The following SRD5A1 variants were observed in gnomAD, a reference collection of about 807,000 sequenced individuals.
SRD5A1 encodes the protein 3-oxo-5-alpha-steroid 4-dehydrogenase 1.
Under a neutral mutation model 28.2 loss-of-function variants are expected in SRD5A1, and 22 were observed. The observed-to-expected ratio is 0.78, with a 90% CI of 0.56 to 1.12. The LOEUF (loss-of-function observed/expected upper bound fraction) is 1.12. Ranked by LOEUF, SRD5A1 falls within the 50% of genes most tolerant of loss-of-function variation. SRD5A1 has a pLI of 0.00. For missense variants in SRD5A1, 300 were observed against 346.7 expected (o/e 0.87, Z 1.07); for synonymous variants, 151 against 135.0 (o/e 1.12, Z -0.82).
chr5:6,638,333 T>A (rs967409327), intron 1 of SRD5A1, among the ~76,000 whole-genome samples: 17 of 152,240 alleles, frequency 1.1e-4, no homozygotes, highest in African/African-American at 4.1e-4. Context: ...TCATAGCGTT[T>A]TTTGGAGCAG....
At chr5:6,644,817 G>C (rs1738461083) in intron 1 of SRD5A1, 1 of 450,870 alleles carries the variant, frequency 2.2e-6, no homozygotes, top group Non-Finnish European at 4.5e-6. Context: ...GGAAATGTTG[G>C]TATGCAAGCA....
chr5:6,645,910 A>G (rs1738494558), intron 1 of SRD5A1, among the ~76,000 whole-genome samples: 1 of 152,096 alleles, frequency 6.6e-6, no homozygotes, highest in South Asian at 2.1e-4. Context: ...TTTGTTACAT[A>G]GGTATACACA....
chr5:6,648,743 G>A (rs1333234438), intron 1 of SRD5A1, among the ~76,000 whole-genome samples: 2 of 152,054 alleles, frequency 1.3e-5, no homozygotes, highest in Non-Finnish European at 2.9e-5. Context: ...GTTATTACCC[G>A]CCTTCTGAAG....
chr5:6,663,764 G>T (rs1315583078), intron 4 of SRD5A1, among the ~76,000 whole-genome samples: 1 of 152,042 alleles, frequency 6.6e-6, no homozygotes, highest in Non-Finnish European at 1.5e-5. Context: ...GGAGGCTGAG[G>T]TACGAGAATC....
chr5:6,650,749 G>A (rs1024527299), intron 1 of SRD5A1, among the ~76,000 whole-genome samples: 19 of 148,520 alleles, frequency 1.3e-4, no homozygotes, highest in East Asian at 2.0e-4. Context: ...CCACTAACTC[G>A]TCATCTAGCA....
chr5:6,651,845 C>G lies in SRD5A1; in HGVS notation c.297C>G (p.Cys99Trp), dbSNP rs1738680008. 4.4e-6 allele frequency: 7 copies of G among 1,606,590 alleles called. No individual in the cohort carries two copies. Among genetic ancestry groups the G allele is most frequent in the Non-Finnish European group, 6.0e-6 (7 of 1,175,554 alleles). Reference protein sequence around the residue: ...AMFLVHYGHRCLIYPFLMRGG... With the variant: ...AMFLVHYGHRWLIYPFLMRGG... ...TGCCTGTTTCTTGTTTCCTAAGGTG[C>G]TTAATTTACCCATTTCTGATGCGAG... Residue 99 changes from cysteine to tryptophan, a missense_variant, in exon 2 of 5, where the codon TGC becomes TGG. Physicochemically the swap from Cys to Trp is radical, Grantham distance 215. This residue lies in a region of SRD5A1 where 174 missense variants were observed against 160.9 expected (regional missense o/e 1.08). Coordinates refer to ENST00000274192, the MANE Select transcript of SRD5A1 (RefSeq NM_001047.4).
In SRD5A1 at chr5:6,633,478, C is replaced by T. The variant is rs1738040162; in HGVS notation, c.-99C>T. 4 of 1,306,684 alleles carry T rather than the reference C, an allele frequency of 3.1e-6. No individual in the cohort carries two copies. Among genetic ancestry groups the T allele is most frequent in the Non-Finnish European group, 3.0e-6 (3 of 1,007,558 alleles). 80.9% of individuals were successfully genotyped at this position (1,306,684 alleles called of 1,614,324 possible). ...TCCCGGCAGTGCGGGACTCCGGTAG[C>T]CGCCCCTCCGGTAGCCGCCCCTCCT... On this transcript the variant is annotated 5_prime_UTR_variant, in exon 1 of 5. Coordinates refer to ENST00000274192, the MANE Select transcript of SRD5A1 (RefSeq NM_001047.4).
At chr5:6,659,255 A>G (rs1738928909) in intron 3 of SRD5A1, among the ~76,000 whole-genome samples, 1 of 151,590 alleles carries the variant, frequency 6.6e-6, no homozygotes. Context: ...CTGGGACTAC[A>G]GGCGCCCGCC....
In SRD5A1 at chr5:6,671,375, T is replaced by G. The variant is rs924547025; in HGVS notation, c.*3107T>G. On this transcript the variant is annotated 3_prime_UTR_variant, in exon 5 of 5. Transcript: ENST00000274192. ...ATTGTTTGTTTTTTTCTTACTGATT[T>G]GTTTGAGTTTGTTGTAGATTCTGGA... is the stretch of plus-strand genomic sequence containing the variant. 1 of 151,994 alleles carries G rather than the reference T, an allele frequency of 6.6e-6. No homozygotes were observed. The highest frequency in any genetic ancestry group is 6.5e-5 in the Admixed American group (1 of 15,272). The allele number at this position is 151,994 out of a possible 1,614,324, so 9.4% of individuals were successfully genotyped here.
chr5:6,648,289 G>A (rs1454863094), intron 1 of SRD5A1, among the ~76,000 whole-genome samples: 2 of 152,028 alleles, frequency 1.3e-5, no homozygotes, highest in Non-Finnish European at 1.5e-5. Flanking sequence ...TATCTTTGTG[G>A]TGTTCTCTGT....
intron 1 of SRD5A1, among the ~76,000 whole-genome samples, chr5:6,650,792 C>T (rs8192183): frequency 0.018 from 2,358 of 132,836 alleles, 29 homozygotes; most frequent in Non-Finnish European, 0.028. Flanking sequence ...TCCCTCCCCC[C>T]TCCCCCCCAC....
intron 4 of SRD5A1, among the ~76,000 whole-genome samples, chr5:6,664,016 A>G (rs890105887): frequency 5.9e-5 from 9 of 152,206 alleles, no homozygotes; most frequent in Non-Finnish European, 1.0e-4. Context: ...AAGAGATCTC[A>G]GGAGCAACGT....
chr5:6,635,213 C>A lies in SRD5A1; in HGVS notation c.293+1344C>A, dbSNP rs556544048. On this transcript the variant is annotated intron_variant, in intron 1 of 4. Transcript: ENST00000274192. The stretch of plus-strand genomic sequence containing the variant: ...CCCTGTAACTGGTGCAGTCTGTGTC[C>A]TCAGTGTGCTTTGATGACTTGCACT... Among the ~76,000 whole-genome samples the A allele has an allele frequency of 5.3e-5, 8 of 152,302 alleles. No individual in the cohort carries two copies. The South Asian group carries it at 1.7e-3, about 32-fold the overall frequency.
chr5:6,639,194 C>T (rs892819658), intron 1 of SRD5A1, among the ~76,000 whole-genome samples: 3 of 152,212 alleles, frequency 2.0e-5, no homozygotes, highest in Admixed American at 2.0e-4. Flanking sequence ...GTGAATTAAA[C>T]AGGCATAGAA....
At chr5:6,665,052 A>G (rs1286771919) in intron 4 of SRD5A1, among the ~76,000 whole-genome samples, 1 of 152,258 alleles carries the variant, frequency 6.6e-6, no homozygotes, top group East Asian at 1.9e-4. Flanking sequence ...CACCTGTGAA[A>G]GCGACCTTAC....
chr5:6,662,672 T>C (rs2126550798), intron 3 of SRD5A1, 144 bp from the exon 4 acceptor site: 2 of 853,910 alleles, frequency 2.3e-6, no homozygotes, highest in East Asian at 5.1e-5. Context: ...TAACGCTGGA[T>C]ATGTCTTACT....
At chr5:6,637,589 G>T (rs1281694433) in intron 1 of SRD5A1, among the ~76,000 whole-genome samples, 4 of 152,166 alleles carry the variant, frequency 2.6e-5, no homozygotes, top group Admixed American at 2.0e-4. Flanking sequence ...TTTGCTCATG[G>T]ATTTTCCTTC....
intron 1 of SRD5A1, among the ~76,000 whole-genome samples, chr5:6,635,112 C>G (rs1300728085): frequency 6.6e-6 from 1 of 152,218 alleles, no homozygotes. Context: ...AGAAAGTACA[C>G]AGCTCCACTA....
intron 2 of SRD5A1, 48 bp from the exon 3 acceptor site, chr5:6,656,030 A>G (rs1219361975): frequency 2.8e-6 from 4 of 1,453,190 alleles, no homozygotes; most frequent in Non-Finnish European, 2.9e-6. Flanking sequence ...TCGTAGTGAA[A>G]TTTTACGGTT....
Sources: allele counts gnomAD v4.1 joint callset (sites outside exome capture counted in the v4.1 genomes callset), GRCh38; gene constraint gnomAD v4.1.1; regional missense constraint gnomAD v4.1.1; transcripts MANE v1.5; gene names NCBI Gene and HGNC (gene_info 2026-07-23, HGNC 2026-07-21).